The following SMC1A variants were observed in gnomAD, a reference collection of about 807,000 sequenced individuals.
SMC1A encodes the protein structural maintenance of chromosomes 1A.
In SMC1A, 4 loss-of-function variants were observed where a neutral mutation model predicts 94.5. The observed-to-expected ratio is 0.04, with a 90% confidence interval of 0.02 to 0.10. SMC1A has a LOEUF of 0.10. Ranked by LOEUF, SMC1A falls within the 10% of genes least tolerant of loss-of-function variation. The probability of loss-of-function intolerance (pLI) is 1.00; values close to 1 mark genes in which losing one functional copy is unlikely to be tolerated. For synonymous variants in SMC1A, 345 were observed against 347.7 expected, an observed-to-expected ratio of 0.99 and a Z score of 0.09; for missense variants, 304 against 989.0, an observed-to-expected ratio of 0.31 and a Z score of 9.29.
chrX:53,378,206 T>G lies in SMC1A; in HGVS notation c.*1897A>C, dbSNP rs2075567693. On this transcript the variant is annotated 3_prime_UTR_variant, in exon 25 of 25. Transcript: ENST00000322213. ...ATATCCTATGACTTTGCAATTCCAC[T>G]TCTAGGAATCAACCCTAGGTAAACT... 1 of 112,057 alleles carries G rather than the reference T, an allele frequency of 8.9e-6. No individual in the cohort carries two copies. Among genetic ancestry groups the G allele is most frequent in the Non-Finnish European group, 1.9e-5 (1 of 53,235 alleles). 9.2% of individuals were successfully genotyped at this position (112,057 alleles called of 1,213,427 possible). A position where few individuals can be genotyped will look rare whatever the true frequency, so the allele number is the denominator to read the frequency against.
At position 53,380,067 on chromosome X, in the gene SMC1A, T is replaced by C; in HGVS notation, c.*36A>G. 2 of 985,054 alleles carry C rather than the reference T, an allele frequency of 2.0e-6. No homozygotes were observed. The highest frequency in any genetic ancestry group is 2.9e-6 in the Non-Finnish European group (2 of 690,648). The allele number at this position is 985,054 out of a possible 1,213,427, so 81.2% of individuals were successfully genotyped here. On this transcript the variant is annotated 3_prime_UTR_variant, in exon 25 of 25. Transcript: ENST00000322213. Reference sequence around the variant, plus strand: ...TCCAGAGATTGGGAGAGGGACAGCTTAGGGATCCAGACAGGGCGGGAGGGC... The same window carrying C: ...TCCAGAGATTGGGAGAGGGACAGCTCAGGGATCCAGACAGGGCGGGAGGGC...
At chrX:53,412,754 A>G in intron 5 of SMC1A, 146 bp downstream of exon 5, 4 of 933,267 alleles carry the variant, frequency 4.3e-6, no homozygotes, top group Non-Finnish European at 6.1e-6. Context: ...CTGCAAGTCA[A>G]GAAATGTGCC....
Position 53,415,186 on chromosome X carries a change from G to A in SMC1A, c.110-17C>T, listed in dbSNP as rs1556891111. On this transcript the variant is annotated splice_polypyrimidine_tract_variant and intron_variant, in intron 1 of 24. Coordinates refer to ENST00000322213, the MANE Select transcript of SMC1A (RefSeq NM_006306.4). ...TTGACTTACCTAAGGGAAGAGGGAC[G>A]AGGCAGTAGAGGGAAAGTCAGGATG... 9 of 1,168,249 alleles carry A rather than the reference G, an allele frequency of 7.7e-6. No individual in the cohort carries two copies. The highest frequency in any genetic ancestry group is 3.0e-5 in the East Asian group (1 of 33,613).
At position 53,379,853 on chromosome X, in the gene SMC1A, GTGA is replaced by G. The variant is rs2146580820; in HGVS notation, c.*247_*249del. ...GATGAGGGGGAGGAAGGGGGTGTGT[GTGA>G]TGAACAGATGGCCCTGTTCAGCTCA... On this transcript the variant is annotated 3_prime_UTR_variant, in exon 25 of 25. Transcript: ENST00000322213. 5 of 428,498 alleles carry G rather than the reference GTGA, an allele frequency of 1.2e-5. No homozygotes were observed. In the East Asian group the frequency reaches 1.9e-4, roughly 16 times the overall value. 35.3% of individuals were successfully genotyped at this position (428,498 alleles called of 1,213,427 possible).
chrX:53,374,975 G>A lies in SMC1A; in HGVS notation c.*5128C>T, dbSNP rs1556885048. ...TTGATACATGCCACCCCTGTAAGGT[G>A]AAGTCCTTATGCCAGTCCAGCTAAC... On this transcript the variant is annotated 3_prime_UTR_variant, in exon 25 of 25. Transcript: ENST00000322213. 1 of 112,727 alleles carries A rather than the reference G, an allele frequency of 8.9e-6. No homozygotes were observed. Among genetic ancestry groups the A allele is most frequent in the Admixed American group, 9.4e-5 (1 of 10,660 alleles). 9.3% of individuals were successfully genotyped at this position (112,727 alleles called of 1,213,427 possible). A position where few individuals can be genotyped will look rare whatever the true frequency, so the allele number is the denominator to read the frequency against.
chrX:53,380,529 C>A lies in SMC1A; in HGVS notation c.3618+91G>T, dbSNP rs782683039. ...CAGGACCTGATTCCCTATGCTCCCC[C>A]ACCTCCTTTCCCCTCCACTGCAGCC... On this transcript the variant is annotated intron_variant, in intron 24 of 24. Transcript: ENST00000322213. 1.7e-4 allele frequency: 102 copies of A among 611,487 alleles called. No individual in the cohort carries two copies. The Admixed American group carries it at 2.1e-3, about 13-fold the overall frequency. The allele number at this position is 611,487 out of a possible 1,213,427, so 50.4% of individuals were successfully genotyped here. A position where few individuals can be genotyped will look rare whatever the true frequency, so the allele number is the denominator to read the frequency against.
chrX:53,379,915 C>T lies in SMC1A; in HGVS notation c.*188G>A, dbSNP rs1350602874. Reference sequence around the variant, plus strand: ...TTTCAGAGGCCAGAATACTCCCTGTCGTTCAGGAATTTTTGCTCCAGACCT... The same window carrying T: ...TTTCAGAGGCCAGAATACTCCCTGTTGTTCAGGAATTTTTGCTCCAGACCT... On this transcript the variant is annotated 3_prime_UTR_variant, in exon 25 of 25. Transcript: ENST00000322213. 11 of 460,343 alleles carry T rather than the reference C, an allele frequency of 2.4e-5. No homozygotes were observed. The highest frequency in any genetic ancestry group is 2.2e-4 in the Admixed American group (7 of 31,616). The allele number at this position is 460,343 out of a possible 1,213,427, so 37.9% of individuals were successfully genotyped here. A position where few individuals can be genotyped will look rare whatever the true frequency, so the allele number is the denominator to read the frequency against.
chrX:53,422,115 G>T, intron 1 of SMC1A: 1 of 1,085,911 alleles, frequency 9.2e-7, no homozygotes, highest in Non-Finnish European at 1.2e-6. Flanking sequence ...TCCGGAGGGG[G>T]TCAAGTAAGG....
intron 20 of SMC1A, 45 bp from the exon 21 acceptor site, chrX:53,382,705 A>C: frequency 8.4e-7 from 1 of 1,194,985 alleles, no homozygotes. Context: ...CCTGGCAAGA[A>C]GGACCTGCAA....
rs1318273895 is a variant in SMC1A, at chrX:53,417,551, CA to C, written c.110-2383del. 3.9e-3 allele frequency among the ~76,000 whole-genome samples: 95 copies of C among 24,394 alleles called. 1 individual carries two copies. The highest frequency in any genetic ancestry group is 0.017 in the South Asian group (10 of 572). 21.2% of individuals were successfully genotyped at this position (24,394 alleles called of 115,157 possible). ...GGGCAACAAGAGCAAAACTCCATCT[CA>C]AAAAAAAAAAAAAAAAAAAAGTGAG... is the stretch of plus-strand genomic sequence containing the variant. On this transcript the variant is annotated intron_variant, in intron 1 of 24. Coordinates refer to ENST00000322213, the MANE Select transcript of SMC1A (RefSeq NM_006306.4).
intron 20 of SMC1A, 133 bp from the exon 21 acceptor site, chrX:53,382,793 G>A (rs1223551399): frequency 1.0e-5 from 8 of 781,993 alleles, no homozygotes; most frequent in Non-Finnish European, 1.5e-5. Context: ...TGTATCCAGT[G>A]GACTGGCCAC....
chrX:53,405,625 T>C lies in SMC1A; in HGVS notation c.1779A>G (p.Leu593=). 8.3e-7 allele frequency: 1 copy of C among 1,211,707 alleles called. No individual in the cohort carries two copies. Among genetic ancestry groups the C allele is most frequent in the South Asian group, 1.8e-5 (1 of 56,972 alleles). The change falls in exon 11 of 25, where the codon CTA becomes CTG. Residue 593 remains leucine, a synonymous_variant. Coordinates refer to ENST00000322213, the MANE Select transcript of SMC1A (RefSeq NM_006306.4). Reference sequence around the variant, plus strand: ...GCTCATAGCGAATCACATCAATCACTAGCTTGGCCCCCTTCAGCTCCCGGA... The same window carrying C: ...GCTCATAGCGAATCACATCAATCACCAGCTTGGCCCCCTTCAGCTCCCGGA... The part of the protein sequence containing the change: ...EKLRELKGAK[L]VIDVIRYEPP...
At chrX:53,408,624 C>T (rs1376389267) in intron 9 of SMC1A, among the ~76,000 whole-genome samples, 1 of 110,496 alleles carries the variant, frequency 9.1e-6, no homozygotes, top group Non-Finnish European at 1.9e-5. Flanking sequence ...AGCTACTGGA[C>T]CAGTTAATAC....
intron 9 of SMC1A, 51 bp from the exon 10 acceptor site, chrX:53,406,007 C>A: frequency 2.7e-6 from 3 of 1,091,366 alleles, no homozygotes; most frequent in Non-Finnish European, 3.8e-6. Context: ...TGGAAGCTGG[C>A]TCAGGAATCC....
Position 53,412,131 on chromosome X carries a change from T to C in SMC1A, c.977A>G (p.Tyr326Cys). ...KKSLQNAQKH[Y>C]KKRKGDMDEL... ...ATCCATGTCACCTTTACGCTTCTTG[T>C]AGTGCTTCTGAGCATTCTGCAGAGA... The change falls in exon 6 of 25, where the codon TAC becomes TGC. Residue 326 changes from tyrosine (Y) to cysteine (C), a missense_variant. Around this residue, in one of 11 missense-constraint regions of SMC1A, gnomAD observed 120 missense variants for 314.9 expected, o/e 0.38. Transcript: ENST00000322213. The C allele has an allele frequency of 8.3e-7, 1 of 1,211,819 alleles. No individual in the cohort carries two copies. The highest frequency in any genetic ancestry group is 1.1e-6 in the Non-Finnish European group (1 of 895,419).
At chrX:53,409,367 T>C in intron 8 of SMC1A, 54 bp downstream of exon 8, 3 of 1,154,048 alleles carry the variant, frequency 2.6e-6, no homozygotes, top group East Asian at 5.9e-5. Context: ...GGCATGTAGG[T>C]AGGGTCACAA....
intron 19 of SMC1A, among the ~76,000 whole-genome samples, chrX:53,391,783 C>A (rs1303192078): frequency 4.5e-5 from 5 of 111,741 alleles, no homozygotes; most frequent in African/African-American, 1.6e-4. Flanking sequence ...CCACACCTGG[C>A]CAACATTTAT....
chrX:53,387,980 T>C (rs1236138241), intron 19 of SMC1A, among the ~76,000 whole-genome samples: 1 of 111,677 alleles, frequency 9.0e-6, no homozygotes, highest in African/African-American at 3.3e-5. Flanking sequence ...CTATACAAAC[T>C]GTATCTCAGA....
At chrX:53,402,978 G>T (rs1259639188) in intron 15 of SMC1A, among the ~76,000 whole-genome samples, 1 of 101,144 alleles carries the variant, frequency 9.9e-6, no homozygotes, top group Non-Finnish European at 2.0e-5. Flanking sequence ...GACGAGCCTG[G>T]GCAATGTGGC....
Sources: allele counts gnomAD v4.1 joint callset (sites outside exome capture counted in the v4.1 genomes callset), GRCh38; gene constraint gnomAD v4.1.1; regional missense constraint gnomAD v4.1.1; transcripts MANE v1.5; gene names NCBI Gene and HGNC (gene_info 2026-07-23, HGNC 2026-07-21).